The following ZNF420 variants were observed in gnomAD, a reference collection of about 807,000 sequenced individuals.
ZNF420 encodes the protein ATM and p53-associated KZNF protein.
Under a neutral mutation model 44.7 loss-of-function variants are expected in ZNF420, and 31 were observed. The observed-to-expected ratio is 0.69, with a 90% CI of 0.52 to 0.94. The LOEUF is 0.94. Ranked by LOEUF, ZNF420 falls within the 40% of genes least tolerant of loss-of-function variation. The pLI, the probability that ZNF420 is intolerant of heterozygous loss-of-function variation, is 0.00. For synonymous variants in ZNF420, 245 were observed against 267.4 expected, an observed-to-expected ratio of 0.92 and a Z score of 0.82; for missense variants, 681 against 827.9, an observed-to-expected ratio of 0.82 and a Z score of 2.18.
intron 1 of ZNF420, among the ~76,000 whole-genome samples, chr19:37,060,577 A>G (rs1967858623): frequency 6.6e-6 from 1 of 151,328 alleles, no homozygotes; most frequent in Admixed American, 6.6e-5. Context: ...ATGGAGATCC[A>G]TGTTCTGATT....
chr19:37,010,458 C>T (rs2074560387), intron 1 of ZNF420, among the ~76,000 whole-genome samples: 1 of 152,070 alleles, frequency 6.6e-6, no homozygotes, highest in Non-Finnish European at 1.5e-5. Context: ...CCCGCAGCCT[C>T]AGGGGTTGCC....
chr19:37,076,880 C>T (rs990998203), upstream of ZNF420, among the ~76,000 whole-genome samples: 1 of 152,172 alleles, frequency 6.6e-6, no homozygotes, highest in African/African-American at 2.4e-5. Context: ...CTTTGACCCA[C>T]TCTAACTCAG....
intron 1 of ZNF420, among the ~76,000 whole-genome samples, chr19:37,050,634 T>C (rs1967621529): frequency 6.6e-6 from 1 of 152,240 alleles, no homozygotes; most frequent in Non-Finnish European, 1.5e-5. Context: ...TGGGGTTTTC[T>C]AGATACACAG....
chr19:37,032,072 C>A (rs889113164), intron 1 of ZNF420, among the ~76,000 whole-genome samples: 2 of 151,958 alleles, frequency 1.3e-5, no homozygotes, highest in Non-Finnish European at 2.9e-5. Context: ...TTAGACCGTG[C>A]GGTGGCTAAC....
At chr19:37,096,091 C>T (rs1052322243) in intron 4 of ZNF420, 17 of 152,150 alleles carry the variant, frequency 1.1e-4, no homozygotes, top group African/African-American at 4.1e-4. Flanking sequence ...AGAAGTCTGC[C>T]ATCTGTTTCA....
intron 1 of ZNF420, among the ~76,000 whole-genome samples, chr19:37,027,497 T>A (rs542720645): frequency 1.3e-4 from 20 of 152,344 alleles, no homozygotes; most frequent in African/African-American, 4.8e-4. Flanking sequence ...GACAAATGCA[T>A]GAGGACATAT....
chr19:37,108,458 G>A (rs926328296), intron 4 of ZNF420: 1 of 152,078 alleles, frequency 6.6e-6, no homozygotes, highest in Non-Finnish European at 1.5e-5. Context: ...TTGGGAGTCT[G>A]GTTTAATAAC....
chr19:37,065,812 A>G (rs182641600), intron 1 of ZNF420, among the ~76,000 whole-genome samples: 42 of 152,384 alleles, frequency 2.8e-4, no homozygotes, highest in Non-Finnish European at 5.9e-5. Context: ...TTAATTTTCA[A>G]TAAAGGTGCC....
At chr19:37,111,219 TTTA>T (rs1970371230) in intron 4 of ZNF420, among the ~76,000 whole-genome samples, 3 of 102,256 alleles carry the variant, frequency 2.9e-5, no homozygotes, top group Admixed American at 2.8e-4. Context: ...ATCTATTCTA[TTTA>T]TTGCACTGAC....
intron 1 of ZNF420, among the ~76,000 whole-genome samples, chr19:37,039,098 C>T (rs1967409400): frequency 6.6e-6 from 1 of 152,192 alleles, no homozygotes; most frequent in South Asian, 2.1e-4. Context: ...TGGTTACTTC[C>T]TCTGCTAAGG....
intron 2 of ZNF420, among the ~76,000 whole-genome samples, chr19:37,088,509 C>T (rs952567031): frequency 1.2e-4 from 18 of 152,106 alleles, no homozygotes; most frequent in African/African-American, 4.3e-4. Context: ...TTTGTCTTGC[C>T]TATAGCAAAT....
intron 1 of ZNF420, among the ~76,000 whole-genome samples, chr19:37,014,092 G>C (rs1427507240): frequency 6.6e-6 from 1 of 152,178 alleles, no homozygotes; most frequent in African/African-American, 2.4e-5. Context: ...TACTGGAGGA[G>C]GCGAGAGGTT....
chr19:37,097,863 C>A (rs927493465), intron 4 of ZNF420, among the ~76,000 whole-genome samples: 2 of 152,116 alleles, frequency 1.3e-5, no homozygotes, highest in African/African-American at 4.8e-5. Flanking sequence ...TTCCTAAGGT[C>A]ATTTTTCAAT....
At chr19:37,084,297 T>C (rs1002916395) in intron 2 of ZNF420, among the ~76,000 whole-genome samples, 3 of 152,216 alleles carry the variant, frequency 2.0e-5, no homozygotes, top group Admixed American at 2.0e-4. Context: ...ATGTTTAACC[T>C]TCCAGCTTTA....
intron 1 of ZNF420, among the ~76,000 whole-genome samples, chr19:37,060,420 A>C (rs1404017679): frequency 6.6e-6 from 1 of 152,090 alleles, no homozygotes; most frequent in Non-Finnish European, 1.5e-5. Flanking sequence ...TGGCGGTGGC[A>C]CTGTGCTGTA....
chr19:37,061,424 CA>C (rs1967878573), intron 1 of ZNF420, among the ~76,000 whole-genome samples: 1 of 152,134 alleles, frequency 6.6e-6, no homozygotes, highest in South Asian at 2.1e-4. Context: ...TGATATTTAT[CA>C]GTGTACAATG....
At chr19:37,111,505 T>C (rs999317112) in intron 4 of ZNF420, 1 of 152,232 alleles carries the variant, frequency 6.6e-6, no homozygotes, top group African/African-American at 2.4e-5. Flanking sequence ...GAGTAGAGGT[T>C]TGAATCTTAC....
chr19:37,110,299 CTT>C (rs746349782), intron 4 of ZNF420, among the ~76,000 whole-genome samples: 20 of 152,166 alleles, frequency 1.3e-4, no homozygotes, highest in Admixed American at 6.6e-5. Context: ...ACTTCTGCCT[CTT>C]GAGTGGGCAG....
At chr19:37,055,170 C>T (rs1344519193) in intron 1 of ZNF420, among the ~76,000 whole-genome samples, 3 of 152,104 alleles carry the variant, frequency 2.0e-5, no homozygotes, top group Non-Finnish European at 4.4e-5. Context: ...GGCTTGAGTC[C>T]AGGAGTTGGA....
Sources: allele counts gnomAD v4.1 joint callset (sites outside exome capture counted in the v4.1 genomes callset), GRCh38; gene constraint gnomAD v4.1.1; transcripts MANE v1.5; gene names NCBI Gene and HGNC (gene_info 2026-07-23, HGNC 2026-07-21).